PRDM8: variants seen among roughly 807,000 people sequenced by gnomAD.
PRDM8 encodes the protein PR/SET domain 8, also known as PR domain zinc finger protein 8.
In PRDM8, 13 loss-of-function variants were observed where a neutral mutation model predicts 46.5. The ratio of observed to expected loss-of-function variants is 0.28; its 90% CI spans 0.18 to 0.44. PRDM8 has a LOEUF of 0.44. PRDM8 is among the 20% of genes least tolerant of loss of function. The pLI is 1.00. For synonymous variants in PRDM8, 473 were observed against 438.4 expected, an observed-to-expected ratio of 1.08 and a Z score of -0.98; for missense variants, 998 against 955.0, an observed-to-expected ratio of 1.04 and a Z score of -0.59.
intron 1 of PRDM8, among the ~76,000 whole-genome samples, chr4:80,198,317 G>T (rs1442091257): frequency 6.6e-6 from 1 of 152,156 alleles, no homozygotes; most frequent in African/African-American, 2.4e-5. Flanking sequence ...GAAGTGACGG[G>T]GCGACCTCCC....
chr4:80,197,156 C>G (rs1014840390), upstream of PRDM8: 3 of 985,528 alleles, frequency 3.0e-6, no homozygotes, highest in Non-Finnish European at 3.6e-6. Context: ...GTGTCCAGCT[C>G]TCTGTCACAG....
At chr4:80,194,982 T>C (rs1737833112), upstream of PRDM8, among the ~76,000 whole-genome samples, 1 of 152,212 alleles carries the variant, frequency 6.6e-6, no homozygotes, top group African/African-American at 2.4e-5. Flanking sequence ...GGTCTCTGTA[T>C]TTAATAAGAG....
At chr4:80,187,779 C>G (rs971275583) in intron 1 of PRDM8, among the ~76,000 whole-genome samples, 2 of 152,152 alleles carry the variant, frequency 1.3e-5, no homozygotes, top group East Asian at 3.9e-4. Context: ...ATGTCACCCC[C>G]CTTCCTGAGA....
chr4:80,198,980 GTTTTTTTTTTTTT>G lies in PRDM8; in HGVS notation c.-2-1098_-2-1086del, dbSNP rs1560472715. Among the ~76,000 whole-genome samples, 384 of 104,072 alleles carry G rather than the reference GTTTTTTTTTTTTT, an allele frequency of 3.7e-3. 1 individual carries two copies. The highest frequency in any genetic ancestry group is 0.013 in the South Asian group (33 of 2,566). 68.3% of individuals were successfully genotyped at this position (104,072 alleles called of 152,430 possible). On this transcript the variant is annotated intron_variant, in intron 1 of 3. Coordinates refer to ENST00000415738, the MANE Select transcript of PRDM8 (RefSeq NM_001099403.2). ...AATTTAAATACCTGGGTTTTTTTGGGTTTTTTTTTTTTTGTTTTTTTTTTTTTTTTTTTTTTTT... is the reference window on the plus strand; with the variant it reads ...AATTTAAATACCTGGGTTTTTTTGGGGTTTTTTTTTTTTTTTTTTTTTTTT...
chr4:80,187,113 G>A (rs1206622058), intron 1 of PRDM8, among the ~76,000 whole-genome samples: 1 of 152,186 alleles, frequency 6.6e-6, no homozygotes, highest in Admixed American at 6.5e-5. Flanking sequence ...TGCCCCCAGG[G>A]TAGAACACTG....
At chr4:80,201,554 T>C in intron 3 of PRDM8, 33 bp downstream of exon 3, 1 of 1,593,308 alleles carries the variant, frequency 6.3e-7, no homozygotes, top group Non-Finnish European at 8.6e-7. Context: ...TGTGGGCCCT[T>C]AACTAGCGGG....
rs200777615 is a variant in PRDM8 at position 80,201,399 on chromosome 4, G to A, written c.329G>A (p.Gly110Glu). 2 of 1,614,226 alleles carry A rather than the reference G, an allele frequency of 1.2e-6. No individual in the cohort carries two copies. Among genetic ancestry groups the A allele is most frequent in the South Asian group, 2.2e-5 (2 of 91,088 alleles). Residue 110 changes from glycine (G) to glutamate (E), a missense_variant, in exon 3 of 4, where the codon GGA becomes GAA. By Grantham distance (98) the Gly-to-Glu change is moderately conservative. Coordinates refer to ENST00000415738, the MANE Select transcript of PRDM8 (RefSeq NM_001099403.2). ...AACCTTGAAGCCTACATAAAAAACG[G>A]ACAGCTGTTCTACCGCTCTCTCCGC... is the stretch of plus-strand genomic sequence containing the variant. ...EQNLEAYIKN[G>E]QLFYRSLRRI...
upstream of PRDM8, chr4:80,196,920 G>C (rs1381973868): frequency 1.0e-6 from 1 of 985,384 alleles, no homozygotes; most frequent in Admixed American, 6.1e-5. Context: ...CGGGAAGGCT[G>C]AGCCAAGTTC....
intron 1 of PRDM8, among the ~76,000 whole-genome samples, chr4:80,198,578 C>G (rs1692961716): frequency 1.3e-5 from 2 of 151,956 alleles, no homozygotes; most frequent in African/African-American, 4.8e-5. Flanking sequence ...GGATATTTTC[C>G]CTTATTTCTG....
At chr4:80,185,703 C>A (rs1737022420) in intron 1 of PRDM8, among the ~76,000 whole-genome samples, 2 of 152,182 alleles carry the variant, frequency 1.3e-5, no homozygotes, top group African/African-American at 2.4e-5. Context: ...ACCTGCAATA[C>A]GGATGAGTTC....
intron 1 of PRDM8, among the ~76,000 whole-genome samples, chr4:80,199,161 GC>G (rs1738232768): frequency 6.6e-6 from 1 of 151,962 alleles, no homozygotes; most frequent in Non-Finnish European, 1.5e-5. Context: ...AAGCAGGGCT[GC>G]CCCCTCTTGC....
chr4:80,197,492 G>C, upstream of PRDM8: 4 of 985,952 alleles, frequency 4.1e-6, no homozygotes, highest in Non-Finnish European at 4.8e-6. Context: ...GTGTGTGTCT[G>C]CGTGCCAGTC....
chr4:80,194,448 A>C (rs1737793595), upstream of PRDM8, among the ~76,000 whole-genome samples: 2 of 152,222 alleles, frequency 1.3e-5, no homozygotes, highest in African/African-American at 2.4e-5. Context: ...GTAAGTATTA[A>C]TGCAGAGTGA....
upstream of PRDM8, among the ~76,000 whole-genome samples, chr4:80,193,789 G>GT (rs199523468): frequency 6.6e-6 from 1 of 152,072 alleles, no homozygotes; most frequent in African/African-American, 2.4e-5. Context: ...CAGTGTGTGG[G>GT]TTTTTTCCCC....
intron 2 of PRDM8, chr4:80,191,630 T>C (rs1578245445): frequency 6.6e-6 from 1 of 152,368 alleles, no homozygotes; most frequent in East Asian, 1.9e-4. Flanking sequence ...TGTTGATCTT[T>C]GAATTTTTTT....
In PRDM8 at chr4:80,203,420, C is replaced by A. The variant is rs747073173; in HGVS notation, c.1958C>A (p.Ala653Glu). 6 of 1,613,552 alleles carry A rather than the reference C, an allele frequency of 3.7e-6. No individual in the cohort carries two copies. The highest frequency in any genetic ancestry group is 5.1e-6 in the Non-Finnish European group (6 of 1,179,838). Reference sequence around the variant, plus strand: ...AGGTCGCACCACAAAAAGGAGTATGCGATGGAGCCCTTGGTGAAGCGGCGG... The same window carrying A: ...AGGTCGCACCACAAAAAGGAGTATGAGATGGAGCCCTTGGTGAAGCGGCGG... ...HMRSHHKKEY[A>E]MEPLVKRRRE... is the part of the protein sequence containing the mutation. Residue 653 changes from alanine to glutamate, a missense_variant, in exon 4 of 4, where the codon GCG becomes GAG. Physicochemically the swap from Ala to Glu is moderately radical, Grantham distance 107 (BLOSUM62 -1). Transcript: ENST00000415738.
intron 1 of PRDM8, among the ~76,000 whole-genome samples, chr4:80,188,740 G>T (rs1323538390): frequency 6.6e-6 from 1 of 152,214 alleles, no homozygotes; most frequent in East Asian, 1.9e-4. Flanking sequence ...GAGACGGTGC[G>T]CGTGGGGAAA....
Position 80,203,241 on chromosome 4 carries a change from T to TGCGGCGGCGGCC in PRDM8, c.1784_1795dup (p.Ala595_Ala598dup). 2 of 1,550,760 alleles carry TGCGGCGGCGGCC rather than the reference T, an allele frequency of 1.3e-6. No individual in the cohort carries two copies. The highest frequency in any genetic ancestry group is 1.7e-6 in the Non-Finnish European group (2 of 1,151,044). On this transcript the variant is annotated inframe_insertion, in exon 4 of 4. Coordinates refer to ENST00000415738, the MANE Select transcript of PRDM8 (RefSeq NM_001099403.2). ...GCTCCGCTGCCGCTGCAGCCGCGGCTGCGGCGGCGGCCGCGGGGCCCTTGC... is the reference window on the plus strand; with the variant it reads ...GCTCCGCTGCCGCTGCAGCCGCGGCTGCGGCGGCGGCCGCGGCGGCGGCCGCGGGGCCCTTGC...
At chr4:80,195,508 G>GTGTGTGTGTGTT (rs1228280837), upstream of PRDM8, among the ~76,000 whole-genome samples, 1 of 151,782 alleles carries the variant, frequency 6.6e-6, no homozygotes, top group Non-Finnish European at 1.5e-5. Flanking sequence ...TTGTGTGTGT[G>GTGTGTGTGTGTT]TGTGTGTGTG....
Sources: allele counts gnomAD v4.1 joint callset (sites outside exome capture counted in the v4.1 genomes callset), GRCh38; gene constraint gnomAD v4.1.1; transcripts MANE v1.5; gene names NCBI Gene and HGNC (gene_info 2026-07-23, HGNC 2026-07-21).